Variants in MAPK10 observed in about 807,000 individuals in gnomAD.
MAPK10 encodes the protein mitogen-activated protein kinase 10.
In MAPK10, 25 loss-of-function variants were observed where a neutral mutation model predicts 59.3. That is an observed-to-expected ratio of 0.42 (90% CI 0.31 to 0.59). The LOEUF is 0.59. Ranked by LOEUF, MAPK10 falls within the 20% of genes least tolerant of loss-of-function variation. MAPK10 has a pLI of 0.15. For synonymous variants in MAPK10, 190 were observed against 200.5 expected (o/e 0.95, Z 0.44); for missense variants, 351 against 568.9 (o/e 0.62, Z 3.90).
At chr4:86,039,291 C>G (rs571856270) in intron 11 of MAPK10, among the ~76,000 whole-genome samples, 1 of 152,154 alleles carries the variant, frequency 6.6e-6, no homozygotes, top group African/African-American at 2.4e-5. Context: ...AGAGGAAGGA[C>G]AGTTTCACAT....
chr4:86,075,398 A>G (rs1479990934), intron 9 of MAPK10, among the ~76,000 whole-genome samples: 1 of 152,178 alleles, frequency 6.6e-6, no homozygotes, highest in African/African-American at 2.4e-5. Context: ...TCAGCTCGTC[A>G]AAGTCATTCT....
intron 11 of MAPK10, among the ~76,000 whole-genome samples, chr4:86,041,746 A>T (rs1272476399): frequency 6.6e-6 from 1 of 152,222 alleles, no homozygotes; most frequent in East Asian, 1.9e-4. Flanking sequence ...TCATTGGAGA[A>T]GTGCAAATCA....
intron 13 of MAPK10, among the ~76,000 whole-genome samples, chr4:86,022,766 C>T (rs1413992885): frequency 6.6e-6 from 1 of 152,166 alleles, no homozygotes; most frequent in East Asian, 1.9e-4. Context: ...ATTTCTGCCT[C>T]CCAAAATGCT....
chr4:86,309,893 G>C (rs974238123), intron 2 of MAPK10, among the ~76,000 whole-genome samples: 1 of 152,092 alleles, frequency 6.6e-6, no homozygotes. Flanking sequence ...ACTATCCTTT[G>C]AACTGTTTGA....
chr4:86,165,583 T>C (rs974567186), intron 3 of MAPK10, among the ~76,000 whole-genome samples: 22 of 109,548 alleles, frequency 2.0e-4, no homozygotes, highest in South Asian at 5.8e-4. Flanking sequence ...TTTTTTTTTT[T>C]AGAGATGAGG....
intron 1 of MAPK10, among the ~76,000 whole-genome samples, chr4:86,404,762 T>C (rs1232705224): frequency 2.6e-5 from 4 of 152,214 alleles, no homozygotes; most frequent in African/African-American, 9.6e-5. Context: ...AGCAACCATA[T>C]GCCCCAGATG....
At chr4:86,373,734 T>C (rs1024762505) in intron 1 of MAPK10, among the ~76,000 whole-genome samples, 2 of 152,170 alleles carry the variant, frequency 1.3e-5, no homozygotes, top group African/African-American at 4.8e-5. Flanking sequence ...AGAATGGTGA[T>C]CATGAGAAAG....
intron 1 of MAPK10, among the ~76,000 whole-genome samples, chr4:86,387,109 GC>G (rs934774569): frequency 6.6e-6 from 1 of 152,160 alleles, no homozygotes; most frequent in African/African-American, 2.4e-5. Flanking sequence ...CGCTAATCTG[GC>G]TTGAAAATGG....
At chr4:86,265,673 A>G (rs989563438) in intron 2 of MAPK10, among the ~76,000 whole-genome samples, 1 of 151,778 alleles carries the variant, frequency 6.6e-6, no homozygotes, top group African/African-American at 2.4e-5. Context: ...TCGGGCAGTA[A>G]GAGAAGAGAA....
intron 2 of MAPK10, among the ~76,000 whole-genome samples, chr4:86,249,038 A>G (rs1453082717): frequency 6.6e-6 from 1 of 152,198 alleles, no homozygotes; most frequent in Non-Finnish European, 1.5e-5. Flanking sequence ...CCAAAATAAT[A>G]AAGGAGAAGA....
intron 1 of MAPK10, among the ~76,000 whole-genome samples, chr4:86,529,408 G>C (rs1342858195): frequency 6.6e-6 from 1 of 152,018 alleles, no homozygotes; most frequent in African/African-American, 2.4e-5. Flanking sequence ...CATTGTCACC[G>C]GCCCCCACCT....
intron 11 of MAPK10, among the ~76,000 whole-genome samples, chr4:86,051,019 T>C (rs980096969): frequency 2.0e-5 from 3 of 152,184 alleles, no homozygotes; most frequent in South Asian, 2.1e-4. Flanking sequence ...CAGATTCTTC[T>C]TGGAATTAGA....
chr4:86,408,343 T>C (rs969185849), intron 1 of MAPK10, among the ~76,000 whole-genome samples: 4 of 152,176 alleles, frequency 2.6e-5, no homozygotes, highest in Non-Finnish European at 4.4e-5. Context: ...CTATTGTGAA[T>C]AGTGCCACAA....
chr4:86,318,635 A>G (rs2095835251), intron 2 of MAPK10, among the ~76,000 whole-genome samples: 1 of 152,170 alleles, frequency 6.6e-6, no homozygotes, highest in African/African-American at 2.4e-5. Flanking sequence ...TCCTTGCATC[A>G]TTTGAAGGGT....
chr4:86,410,344 A>T (rs1481867476), intron 1 of MAPK10, among the ~76,000 whole-genome samples: 1 of 152,132 alleles, frequency 6.6e-6, no homozygotes. Context: ...TTCATCAGGG[A>T]TATTGGCCTA....
chr4:86,398,584 G>C (rs1743280286), intron 1 of MAPK10, among the ~76,000 whole-genome samples: 1 of 152,102 alleles, frequency 6.6e-6, no homozygotes, highest in Non-Finnish European at 1.5e-5. Flanking sequence ...CAATATTAAT[G>C]TACCTTGTTA....
chr4:86,359,287 T>TCTCTCTCTCTCTCTCC (rs1173944873), intron 1 of MAPK10, among the ~76,000 whole-genome samples: 251 of 128,450 alleles, frequency 2.0e-3, no homozygotes, highest in African/African-American at 8.2e-3. Context: ...TCTCTCTCTC[T>TCTCTCTCTCTCTCTCC]CTGTGTGTGT....
At chr4:86,574,288 C>G in intron 1 of MAPK10, among the ~76,000 whole-genome samples, 1 of 151,662 alleles carries the variant, frequency 6.6e-6, no homozygotes, top group Non-Finnish European at 1.5e-5. Flanking sequence ...GCCACATTTT[C>G]TTAATCCAGT....
intron 5 of MAPK10, among the ~76,000 whole-genome samples, chr4:86,106,171 G>A (rs540183871): frequency 1.7e-4 from 26 of 152,190 alleles, no homozygotes; most frequent in African/African-American, 4.1e-4. Flanking sequence ...CATGGGGCCC[G>A]AATCTGCATA....
Sources: allele counts gnomAD v4.1 joint callset (sites outside exome capture counted in the v4.1 genomes callset), GRCh38; gene constraint gnomAD v4.1.1; transcripts MANE v1.5; gene names NCBI Gene and HGNC (gene_info 2026-07-23, HGNC 2026-07-21).